Variants in ZNF780B observed in about 807,000 individuals in gnomAD.
ZNF780B encodes the protein zinc finger protein 780B.
Under a neutral mutation model 74.1 loss-of-function variants are expected in ZNF780B, and 52 were observed. The ratio of observed to expected loss-of-function variants is 0.70; its 90% CI spans 0.56 to 0.88. The LOEUF (loss-of-function observed/expected upper bound fraction) is 0.88, where lower values mean the gene tolerates loss of function less well. Ranked by LOEUF, ZNF780B falls within the 40% of genes least tolerant of loss-of-function variation. The pLI is 0.00. For synonymous variants in ZNF780B, 315 were observed against 324.3 expected (o/e 0.97, Z 0.31); for missense variants, 953 against 1,007.6 (o/e 0.95, Z 0.73).
intron 1 of ZNF780B, among the ~76,000 whole-genome samples, chr19:40,052,681 A>C (rs1046820924): frequency 1.8e-4 from 27 of 152,230 alleles, no homozygotes; most frequent in African/African-American, 6.3e-4. Flanking sequence ...ACCTGACTTC[A>C]ATATATACTA....
intron 4 of ZNF780B, chr19:40,047,162 A>G (rs1243887688): frequency 2.3e-5 from 11 of 487,088 alleles, no homozygotes; most frequent in Non-Finnish European, 4.0e-5. Flanking sequence ...AATAACAGAA[A>G]TTAGGTGATT....
At chr19:40,052,971 A>T (rs919750835) in intron 1 of ZNF780B, among the ~76,000 whole-genome samples, 2 of 152,242 alleles carry the variant, frequency 1.3e-5, no homozygotes, top group Non-Finnish European at 2.9e-5. Context: ...GTAAGATCCC[A>T]AACTATGAAA....
intron 3 of ZNF780B, among the ~76,000 whole-genome samples, chr19:40,047,775 G>A (rs1208383559): frequency 1.3e-5 from 2 of 152,140 alleles, no homozygotes; most frequent in East Asian, 3.9e-4. Flanking sequence ...TTGACATTAA[G>A]TAAGTCACTT....
At chr19:40,049,089 A>C (rs71356893) in intron 2 of ZNF780B, 7 of 350,208 alleles carry the variant, frequency 2.0e-5, no homozygotes, top group Non-Finnish European at 2.7e-5. Context: ...GAAAGAAAGA[A>C]CTGTCGTGGT....
chr19:40,043,996 G>A (rs9783944), intron 4 of ZNF780B, among the ~76,000 whole-genome samples: 9,647 of 152,234 alleles, frequency 0.063, 1,014 homozygotes, highest in African/African-American at 0.22. Flanking sequence ...CTTCTGCATC[G>A]CTCATGCTGG....
Position 40,035,845 on chromosome 19 carries a change from GCA to G in ZNF780B, c.1012_1013del (p.Cys338GlnfsTer20). The part of the protein sequence containing the change: ...TGEKPFECKE[C>X]RKAFTLLTKL... ...TTGTCAGAAGAGTAAAGGCCTTTCT[GCA>G]TTCTTTACATTCAAAGGGTTTCTCG... On this transcript the variant is annotated frameshift_variant, in exon 5 of 5. Transcript: ENST00000434248. LOFTEE classifies it high-confidence loss of function. 3.7e-6 allele frequency: 6 copies of G among 1,613,550 alleles called. No individual in the cohort carries two copies. The highest frequency in any genetic ancestry group is 5.1e-6 in the Non-Finnish European group (6 of 1,179,884).
intron 1 of ZNF780B, among the ~76,000 whole-genome samples, chr19:40,052,997 G>T (rs115757800): frequency 2.0e-5 from 3 of 152,030 alleles, no homozygotes; most frequent in Non-Finnish European, 4.4e-5. Flanking sequence ...AGAAAAAAAC[G>T]TACGGGGAAA....
In ZNF780B at chr19:40,036,366, A is replaced by G. The variant is rs1416899943; in HGVS notation, c.493T>C (p.Tyr165His). 1.2e-6 allele frequency: 2 copies of G among 1,613,388 alleles called. No homozygotes were observed. The highest frequency in any genetic ancestry group is 1.7e-6 in the Non-Finnish European group (2 of 1,179,796). The change falls in exon 5 of 5, where the codon TAT becomes CAT. Residue 165 changes from tyrosine (Y) to histidine (H), a missense_variant. Tyr to His is a moderately conservative substitution (Grantham distance 83). Coordinates refer to ENST00000434248, the MANE Select transcript of ZNF780B (RefSeq NM_001005851.3). ...TATTTCCCACATTCCTTACATTCAT[A>G]TGGTTTATGTGTATTATGAATAGGA... The part of the protein sequence containing the change: ...ASPIHNTHKP[Y>H]ECKECGKYFS...
At chr19:40,049,233 CAAAAAAAAAAAAAAA>C (rs35460563) in intron 2 of ZNF780B, among the ~76,000 whole-genome samples, 1 of 35,160 alleles carries the variant, frequency 2.8e-5, no homozygotes, top group African/African-American at 7.5e-5. Flanking sequence ...GACCCTATCT[CAAAAAAAAAAAAAAA>C]AAAAAAAAAA....
chr19:40,043,574 G>A (rs900828968), intron 4 of ZNF780B, among the ~76,000 whole-genome samples: 11 of 152,208 alleles, frequency 7.2e-5, no homozygotes, highest in Non-Finnish European at 1.2e-4. Flanking sequence ...TGAGCTCCCC[G>A]GCTGCTTTGT....
At chr19:40,048,394 C>T (rs373789274) in intron 3 of ZNF780B, among the ~76,000 whole-genome samples, 3 of 152,108 alleles carry the variant, frequency 2.0e-5, no homozygotes, top group Non-Finnish European at 2.9e-5. Flanking sequence ...TATCATTCAA[C>T]GAATATACAA....
Position 40,031,702 on chromosome 19 carries a change from T to C in ZNF780B, c.*2655A>G, listed in dbSNP as rs117080441. 6.7e-3 allele frequency: 1,423 copies of C among 213,582 alleles called. 6 individuals are homozygous for C. The highest frequency in any genetic ancestry group is 0.011 in the Non-Finnish European group (1,140 of 103,860). The allele number at this position is 213,582 out of a possible 1,614,324, so 13.2% of individuals were successfully genotyped here. On this transcript the variant is annotated 3_prime_UTR_variant, in exon 5 of 5. Transcript: ENST00000434248. The stretch of plus-strand genomic sequence containing the variant: ...GGTGCCAGTTTTGTACTGAGTACAG[T>C]GTCAGCCATATCACACAAGTTGAAT...
In ZNF780B at chr19:40,033,596, A is replaced by C. The variant is rs1972090214; in HGVS notation, c.*761T>G. On this transcript the variant is annotated 3_prime_UTR_variant, in exon 5 of 5. Coordinates refer to ENST00000434248, the MANE Select transcript of ZNF780B (RefSeq NM_001005851.3). The stretch of plus-strand genomic sequence containing the variant: ...GTTCTTCACACATTCTTTTATGTTC[A>C]CAGGATTTCTCATCAATATGAATTC... 1 of 153,148 alleles carries C rather than the reference A, an allele frequency of 6.5e-6. No homozygotes were observed. Among genetic ancestry groups the C allele is most frequent in the African/African-American group, 2.4e-5 (1 of 41,484 alleles). The allele number at this position is 153,148 out of a possible 1,614,324, so 9.5% of individuals were successfully genotyped here.
At chr19:40,038,659 T>C (rs1407705731) in intron 4 of ZNF780B, among the ~76,000 whole-genome samples, 2 of 152,108 alleles carry the variant, frequency 1.3e-5, no homozygotes. Flanking sequence ...ATTTCTCTGA[T>C]GGCCAGTGAT....
In ZNF780B at chr19:40,036,041, C is replaced by T. The variant is rs1972286514; in HGVS notation, c.818G>A (p.Gly273Asp). 4 of 1,613,616 alleles carry T rather than the reference C, an allele frequency of 2.5e-6. No homozygotes were observed. Among genetic ancestry groups the T allele is most frequent in the East Asian group, 2.2e-5 (1 of 44,836 alleles). ...NLTQHQSIHA[G>D]VKPYQCKECG... is the part of the protein sequence containing the mutation. Reference sequence around the variant, plus strand: ...CTCCTTACATTGATATGGTTTTACACCAGCATGAATACTTTGATGCTGAGT... The same window carrying T: ...CTCCTTACATTGATATGGTTTTACATCAGCATGAATACTTTGATGCTGAGT... The change falls in exon 5 of 5, where the codon GGT (glycine) becomes GAT (aspartate). Residue 273 changes from glycine (G) to aspartate (D), a missense_variant. By Grantham distance (94) the Gly-to-Asp change is moderately conservative (BLOSUM62 -1). Transcript: ENST00000434248.
rs200580886 is a variant in ZNF780B, at chr19:40,035,119, G to A, written c.1740C>T (p.Thr580=). 2.4e-3 allele frequency: 3,861 copies of A among 1,613,000 alleles called. 15 individuals carry two copies. Among genetic ancestry groups the A allele is most frequent in the Non-Finnish European group, 2.6e-3 (3,092 of 1,179,636 alleles). Residue 580 remains threonine (T), a synonymous_variant, in exon 5 of 5, where the codon ACC becomes ACT. Coordinates refer to ENST00000434248, the MANE Select transcript of ZNF780B (RefSeq NM_001005851.3). The part of the protein sequence containing the change: ...SNLNQHRSIH[T]GKKPFECKEC... ...CCTTACATTCAAAGGGTTTCTTTCCGGTATGAATACTTCGATGTTGATTAA... is the reference window on the plus strand; with the variant it reads ...CCTTACATTCAAAGGGTTTCTTTCCAGTATGAATACTTCGATGTTGATTAA...
Position 40,034,515 on chromosome 19 carries a change from C to T in ZNF780B, c.2344G>A (p.Glu782Lys), listed in dbSNP as rs1276496864. The T allele has an allele frequency of 6.2e-7, 1 of 1,613,518 alleles. No homozygotes were observed. The highest frequency in any genetic ancestry group is 8.5e-7 in the Non-Finnish European group (1 of 1,179,894). Reference protein sequence around the residue: ...QSIHTGEKPYECKECGKAFRL... With the variant: ...QSIHTGEKPYKCKECGKAFRL... ...AAAGCCTTCCCACACTCCTTACATT[C>T]ATAGGGTTTCTCACCAGTATGAATA... is the stretch of plus-strand genomic sequence containing the variant. The change falls in exon 5 of 5, where the codon GAA (glutamate) becomes AAA (lysine). Residue 782 changes from glutamate to lysine, a missense_variant. Glu to Lys is a moderately conservative substitution (Grantham distance 56, BLOSUM62 1). Transcript: ENST00000434248.
At chr19:40,040,815 G>A (rs1972599627) in intron 4 of ZNF780B, among the ~76,000 whole-genome samples, 1 of 151,852 alleles carries the variant, frequency 6.6e-6, no homozygotes, top group Non-Finnish European at 1.5e-5. Flanking sequence ...TTCTTTATTA[G>A]TCTTGCTAAT....
chr19:40,034,405 T>G lies in ZNF780B; in HGVS notation c.2454A>C (p.Ser818=), dbSNP rs1374658195. Residue 818 remains serine, a synonymous_variant, in exon 5 of 5, where the codon TCA becomes TCC. Transcript: ENST00000434248. ...PLNVRNVGQP[S]DISSNLLNIR... is the part of the protein sequence containing the mutation. ...TGTTCAGTAAGTTGCTACTGATGTC[T>G]GAAGGCTGTCCCACATTTCTTACAT... The G allele has an allele frequency of 6.2e-7, 1 of 1,613,664 alleles. No homozygotes were observed.
Sources: gnomAD v4.1 joint callset for allele counts (sites outside exome capture counted in the v4.1 genomes callset) on GRCh38, gnomAD v4.1.1 for gene constraint, MANE v1.5 for transcripts, NCBI Gene and HGNC (gene_info 2026-07-23, HGNC 2026-07-21) for gene names.